The following CREB5 variants were observed in gnomAD, a reference collection of about 807,000 sequenced individuals.
CREB5 encodes cAMP responsive element binding protein 5.
A neutral mutation model predicts 57.1 loss-of-function variants in CREB5; 19 were observed. The observed-to-expected ratio is 0.33, with a 90% CI of 0.23 to 0.49. CREB5 has a LOEUF of 0.49. Ranked by LOEUF, CREB5 falls within the 20% of genes least tolerant of loss-of-function variation. The pLI is 0.99. For missense variants in CREB5, 579 were observed against 671.6 expected, an observed-to-expected ratio of 0.86 and a Z score of 1.52; for synonymous variants, 238 against 238.3, an observed-to-expected ratio of 1.00 and a Z score of 0.01.
chr7:28,457,716 T>G (rs907641834), intron 1 of CREB5, among the ~76,000 whole-genome samples: 3 of 152,096 alleles, frequency 2.0e-5, no homozygotes, highest in Non-Finnish European at 4.4e-5. Flanking sequence ...TGGGAGTCAG[T>G]TGGATATGAT....
chr7:28,299,540 C>G (rs1785064299), intron 1 of CREB5: 1 of 152,186 alleles, frequency 6.6e-6, no homozygotes, highest in South Asian at 2.1e-4. Context: ...ATTTCAGTTG[C>G]TCAACATGTG....
At chr7:28,758,269 A>T (rs1001966333) in intron 7 of CREB5, among the ~76,000 whole-genome samples, 1 of 152,222 alleles carries the variant, frequency 6.6e-6, no homozygotes, top group East Asian at 1.9e-4. Flanking sequence ...GGATGTTCAC[A>T]TAAGAAGAAA....
intron 1 of CREB5, among the ~76,000 whole-genome samples, chr7:28,375,118 A>T (rs1280893333): frequency 2.0e-5 from 3 of 152,228 alleles, no homozygotes; most frequent in African/African-American, 7.2e-5. Context: ...TATGTAAAGC[A>T]TACCTCCATA....
chr7:28,665,803 C>CAGAAG (rs1193023799), intron 5 of CREB5, among the ~76,000 whole-genome samples: 1 of 151,914 alleles, frequency 6.6e-6, no homozygotes, highest in African/African-American at 2.4e-5. Context: ...TGCTTGAGCC[C>CAGAAG]AGAAGTTTGA....
intron 1 of CREB5, among the ~76,000 whole-genome samples, chr7:28,324,843 T>C (rs1562657199): frequency 6.6e-6 from 1 of 152,214 alleles, no homozygotes; most frequent in East Asian, 1.9e-4. Context: ...CCCTCCCAAA[T>C]CTGGTTCTTT....
intron 5 of CREB5, among the ~76,000 whole-genome samples, chr7:28,577,731 G>A (rs1467614151): frequency 6.6e-6 from 1 of 151,944 alleles, no homozygotes; most frequent in African/African-American, 2.4e-5. Flanking sequence ...TGGGGGGTGG[G>A]GTACCACTAG....
chr7:28,465,690 A>G (rs1261966040), intron 1 of CREB5, among the ~76,000 whole-genome samples: 1 of 152,236 alleles, frequency 6.6e-6, no homozygotes, highest in Non-Finnish European at 1.5e-5. Flanking sequence ...ACCATCACAT[A>G]GATCATTCTA....
At chr7:28,734,218 A>C (rs1803839184) in intron 7 of CREB5, among the ~76,000 whole-genome samples, 1 of 151,350 alleles carries the variant, frequency 6.6e-6, no homozygotes, top group Admixed American at 6.6e-5. Flanking sequence ...AAAAAAAAAA[A>C]AAAAAAAAAA....
chr7:28,338,625 G>A (rs866891156), intron 1 of CREB5, among the ~76,000 whole-genome samples: 7 of 152,024 alleles, frequency 4.6e-5, no homozygotes, highest in Non-Finnish European at 1.0e-4. Context: ...TCTCCTTGGT[G>A]TTCTATAACC....
intron 4 of CREB5, among the ~76,000 whole-genome samples, chr7:28,568,900 A>T (rs1583643130): frequency 6.6e-6 from 1 of 152,342 alleles, no homozygotes; most frequent in East Asian, 1.9e-4. Flanking sequence ...TCAAAGGACC[A>T]CTTCTAGTTC....
chr7:28,526,433 T>C (rs566904855), intron 4 of CREB5, among the ~76,000 whole-genome samples: 18 of 152,352 alleles, frequency 1.2e-4, no homozygotes, highest in Non-Finnish European at 2.1e-4. Context: ...TTGGAACACA[T>C]TCACCTATTC....
chr7:28,356,888 T>C (rs55851740), intron 1 of CREB5, among the ~76,000 whole-genome samples: 9,929 of 152,244 alleles, frequency 0.065, 376 homozygotes, highest in East Asian at 0.15. Flanking sequence ...GAACTGACAG[T>C]GTGTCTCCTT....
At chr7:28,673,446 T>A (rs1800148442) in intron 5 of CREB5, among the ~76,000 whole-genome samples, 1 of 152,182 alleles carries the variant, frequency 6.6e-6, no homozygotes, top group Non-Finnish European at 1.5e-5. Flanking sequence ...AGAAATGGCA[T>A]AGAAGTCTTA....
At chr7:28,739,330 A>T (rs1000307723) in intron 7 of CREB5, among the ~76,000 whole-genome samples, 11 of 152,316 alleles carry the variant, frequency 7.2e-5, no homozygotes, top group Admixed American at 2.0e-4. Context: ...ATAGATAAGG[A>T]ACATTTCCAT....
At chr7:28,427,706 T>C (rs1008719128) in intron 1 of CREB5, among the ~76,000 whole-genome samples, 34 of 152,072 alleles carry the variant, frequency 2.2e-4, no homozygotes, top group Admixed American at 2.0e-3. Context: ...GCCCTCCTCC[T>C]CACCCCTCCT....
chr7:28,808,711 CCTTTT>C (rs1808903125), intron 8 of CREB5, among the ~76,000 whole-genome samples: 1 of 97,334 alleles, frequency 1.0e-5, no homozygotes, highest in Non-Finnish European at 2.1e-5. Context: ...GCCAATTTTT[CCTTTT>C]TTTTTTTTTT....
At chr7:28,541,195 A>G (rs1259406341) in intron 4 of CREB5, among the ~76,000 whole-genome samples, 1 of 152,252 alleles carries the variant, frequency 6.6e-6, no homozygotes, top group African/African-American at 2.4e-5. Flanking sequence ...GATGAGAAGT[A>G]TAAAAGCTTG....
intron 4 of CREB5, among the ~76,000 whole-genome samples, chr7:28,508,928 A>G (rs987419203): frequency 1.3e-5 from 2 of 152,214 alleles, no homozygotes; most frequent in Non-Finnish European, 2.9e-5. Flanking sequence ...TAAAAAATTA[A>G]CTTAATAAAA....
intron 5 of CREB5, among the ~76,000 whole-genome samples, chr7:28,700,227 C>T (rs1034676723): frequency 1.2e-4 from 18 of 152,292 alleles, no homozygotes; most frequent in South Asian, 2.1e-4. Context: ...CTCACACACG[C>T]GCACAAGCAC....
Sources: gnomAD v4.1 joint callset for allele counts (sites outside exome capture counted in the v4.1 genomes callset) on GRCh38, gnomAD v4.1.1 for gene constraint, MANE v1.5 for transcripts, NCBI Gene and HGNC (gene_info 2026-07-23, HGNC 2026-07-21) for gene names.